PSTPIP2: variants seen among roughly 807,000 people sequenced by gnomAD.
PSTPIP2 encodes the protein proline-serine-threonine phosphatase-interacting protein 2.
Under a neutral mutation model 63.3 loss-of-function variants are expected in PSTPIP2, and 33 were observed. The ratio of observed to expected loss-of-function variants is 0.52; its 90% confidence interval spans 0.40 to 0.70. The LOEUF is 0.70. Ranked by LOEUF, PSTPIP2 falls within the 30% of genes least tolerant of loss-of-function variation. The pLI is 0.00. For missense variants in PSTPIP2, 312 were observed against 400.7 expected (o/e 0.78, Z 1.89); for synonymous variants, 125 against 132.7 (o/e 0.94, Z 0.40).
At chr18:46,050,344 C>T (rs1019534425) in intron 1 of PSTPIP2, among the ~76,000 whole-genome samples, 3 of 152,004 alleles carry the variant, frequency 2.0e-5, no homozygotes, top group Non-Finnish European at 4.4e-5. Flanking sequence ...CCAAGGTGGG[C>T]GGTTCACTTG....
intron 10 of PSTPIP2, 33 bp downstream of exon 10, chr18:45,993,572 C>T (rs771913232): frequency 1.9e-6 from 3 of 1,572,386 alleles, no homozygotes; most frequent in Non-Finnish European, 2.6e-6. Flanking sequence ...CCAACATGCA[C>T]ACGACAATCC....
rs138733026 is a variant in PSTPIP2 at position 45,997,529 on chromosome 18, A to G, written c.642+220T>C. Among the ~76,000 whole-genome samples the G allele has an allele frequency of 3.2e-3, 483 of 151,994 alleles. 5 individuals carry two copies. The highest frequency in any genetic ancestry group is 0.011 in the African/African-American group (437 of 41,486). On this transcript the variant is annotated intron_variant, in intron 9 of 14. Coordinates refer to ENST00000409746, the MANE Select transcript of PSTPIP2 (RefSeq NM_024430.4). ...ATTTGCCCTCAAGCTCTGTAACCCTATGAGAATCCGGGCAGATCATTTCTA... is the reference window on the plus strand; with the variant it reads ...ATTTGCCCTCAAGCTCTGTAACCCTGTGAGAATCCGGGCAGATCATTTCTA...
At chr18:46,034,972 C>T (rs964211792) in intron 2 of PSTPIP2, among the ~76,000 whole-genome samples, 3 of 152,118 alleles carry the variant, frequency 2.0e-5, no homozygotes, top group East Asian at 1.9e-4. Context: ...ATTTTCTGCT[C>T]ATATCAGGAG....
chr18:46,064,331 C>T (rs1438920957), intron 1 of PSTPIP2, among the ~76,000 whole-genome samples: 2 of 126,402 alleles, frequency 1.6e-5, no homozygotes, highest in African/African-American at 6.3e-5. Context: ...CATTCTGTTG[C>T]CCAGGCTGGA....
At chr18:45,989,106 T>C (rs1000269014) in intron 13 of PSTPIP2, among the ~76,000 whole-genome samples, 1 of 152,246 alleles carries the variant, frequency 6.6e-6, no homozygotes, top group African/African-American at 2.4e-5. Flanking sequence ...TGTTCAAAGA[T>C]ATAATTTCAG....
At chr18:46,066,236 A>T (rs971208028) in intron 1 of PSTPIP2, among the ~76,000 whole-genome samples, 1 of 152,084 alleles carries the variant, frequency 6.6e-6, no homozygotes, top group Admixed American at 6.6e-5. Flanking sequence ...GCTACTTGGG[A>T]GGATTGCTTG....
intron 2 of PSTPIP2, among the ~76,000 whole-genome samples, chr18:46,037,414 T>G (rs1908020497): frequency 2.0e-5 from 3 of 152,192 alleles, no homozygotes; most frequent in Admixed American, 6.6e-5. Flanking sequence ...CCCAAAGTTC[T>G]GGGATTACAG....
chr18:46,058,423 C>T (rs535959317), intron 1 of PSTPIP2, among the ~76,000 whole-genome samples: 3 of 152,008 alleles, frequency 2.0e-5, no homozygotes, highest in Non-Finnish European at 4.4e-5. Context: ...GTAGCACGAT[C>T]TCGGCTCAGC....
At chr18:46,025,534 G>A (rs1368598900) in intron 2 of PSTPIP2, among the ~76,000 whole-genome samples, 2 of 151,946 alleles carry the variant, frequency 1.3e-5, no homozygotes, top group African/African-American at 4.8e-5. Flanking sequence ...ATGTAATTGA[G>A]ATCATTCTAT....
chr18:45,992,243 G>A, intron 10 of PSTPIP2, 41 bp from the exon 11 acceptor site: 1 of 1,486,230 alleles, frequency 6.7e-7, no homozygotes, highest in Non-Finnish European at 9.2e-7. Flanking sequence ...GGTATGTTGA[G>A]ATCATTGTGA....
intron 1 of PSTPIP2, among the ~76,000 whole-genome samples, chr18:46,064,664 G>A (rs1306939316): frequency 6.6e-6 from 1 of 151,860 alleles, no homozygotes; most frequent in African/African-American, 2.4e-5. Context: ...ATGTGGGAGG[G>A]ATGTGTAGGT....
At chr18:46,051,440 A>G (rs1599742625) in intron 1 of PSTPIP2, among the ~76,000 whole-genome samples, 1 of 151,822 alleles carries the variant, frequency 6.6e-6, no homozygotes, top group African/African-American at 2.4e-5. Flanking sequence ...GCGCCACTGC[A>G]CTCCACCCCG....
chr18:46,008,091 C>G (rs936752247), intron 5 of PSTPIP2, among the ~76,000 whole-genome samples: 8 of 152,170 alleles, frequency 5.3e-5, no homozygotes, highest in African/African-American at 1.4e-4. Context: ...CTCAGACTTT[C>G]TGCTCAGACC....
chr18:46,059,042 CT>C (rs137984691), intron 1 of PSTPIP2, among the ~76,000 whole-genome samples: 7 of 137,184 alleles, frequency 5.1e-5, no homozygotes, highest in Non-Finnish European at 3.2e-5. Flanking sequence ...TTTTCTTTTT[CT>C]TTTTTTTTTG....
intron 2 of PSTPIP2, among the ~76,000 whole-genome samples, chr18:46,033,421 G>A (rs941779326): frequency 6.6e-6 from 1 of 152,118 alleles, no homozygotes; most frequent in African/African-American, 2.4e-5. Context: ...ATGTGGGCTG[G>A]GCATGGTAGC....
chr18:46,006,360 CTTTTTTTTTTT>C (rs756384731), intron 5 of PSTPIP2, among the ~76,000 whole-genome samples: 53,247 of 115,580 alleles, frequency 0.46, 13,476 homozygotes, highest in Middle Eastern at 0.68. Context: ...AGCCCTGGTA[CTTTTTTTTTTT>C]TTTTTTTTTT....
chr18:46,040,975 C>T (rs886668195), intron 1 of PSTPIP2: 44 of 456,054 alleles, frequency 9.6e-5, no homozygotes, highest in Middle Eastern at 3.2e-4. Context: ...AACTGACTCA[C>T]GCTACAGGAC....
intron 9 of PSTPIP2, among the ~76,000 whole-genome samples, chr18:45,996,816 C>T (rs552931858): frequency 6.6e-6 from 1 of 152,140 alleles, no homozygotes; most frequent in Non-Finnish European, 1.5e-5. Context: ...GTGGTGCACG[C>T]CTGTAGTCCC....
intron 1 of PSTPIP2, chr18:46,040,288 T>A: frequency 2.7e-6 from 1 of 366,390 alleles, no homozygotes; most frequent in Non-Finnish European, 5.0e-6. Context: ...CAACCAGAAA[T>A]TAGGGATGTG....
Sources: allele counts gnomAD v4.1 joint callset (sites outside exome capture counted in the v4.1 genomes callset), GRCh38; gene constraint gnomAD v4.1.1; transcripts MANE v1.5; gene names NCBI Gene and HGNC (gene_info 2026-07-23, HGNC 2026-07-21).